TEX2: variants seen among roughly 807,000 people sequenced by gnomAD.
The protein encoded by TEX2 is testis-expressed protein 2.
TEX2 carries 53 observed loss-of-function variants against 106.9 expected under a neutral mutation model. The observed-to-expected ratio is 0.50, with a 90% CI of 0.40 to 0.62. The LOEUF (loss-of-function observed/expected upper bound fraction) is 0.62, where lower values mean the gene tolerates loss of function less well. Ranked by LOEUF, TEX2 falls within the 20% of genes least tolerant of loss-of-function variation. TEX2 has a pLI of 0.00. For missense variants in TEX2, 1,207 were observed against 1,379.0 expected (o/e 0.88, Z 1.98); for synonymous variants, 523 against 534.8 (o/e 0.98, Z 0.30).
intron 1 of TEX2, among the ~76,000 whole-genome samples, chr17:64,223,148 C>T (rs1308407625): frequency 6.6e-6 from 1 of 152,142 alleles, no homozygotes; most frequent in African/African-American, 2.4e-5. Context: ...GCCAACTGCG[C>T]TCTGTGTCAG....
At chr17:64,258,698 A>C (rs560123698) in intron 1 of TEX2, among the ~76,000 whole-genome samples, 14 of 152,246 alleles carry the variant, frequency 9.2e-5, no homozygotes, top group African/African-American at 3.4e-4. Flanking sequence ...AACTCATATA[A>C]TCTATGAGAC....
intron 2 of TEX2, among the ~76,000 whole-genome samples, chr17:64,208,279 C>T (rs2143022309): frequency 6.6e-6 from 1 of 152,272 alleles, no homozygotes; most frequent in East Asian, 1.9e-4. Flanking sequence ...CACTCTATTG[C>T]CCAGGCTGGA....
At chr17:64,216,670 C>T (rs886846012) in intron 1 of TEX2, among the ~76,000 whole-genome samples, 1 of 152,206 alleles carries the variant, frequency 6.6e-6, no homozygotes, top group Non-Finnish European at 1.5e-5. Flanking sequence ...GTTCAGAAGC[C>T]TGCGGTCTCA....
chr17:64,173,698 A>G (rs1169546219), intron 6 of TEX2, among the ~76,000 whole-genome samples: 1 of 152,202 alleles, frequency 6.6e-6, no homozygotes, highest in African/African-American at 2.4e-5. Context: ...ATAAAATGCT[A>G]CTTGGCTAAG....
intron 1 of TEX2, among the ~76,000 whole-genome samples, chr17:64,238,505 A>G (rs1555635378): frequency 6.6e-6 from 1 of 152,264 alleles, no homozygotes; most frequent in African/African-American, 2.4e-5. Flanking sequence ...TTGGTAATTT[A>G]TAAAGAAAAG....
chr17:64,235,191 T>C (rs113060652), intron 1 of TEX2, among the ~76,000 whole-genome samples: 20 of 152,356 alleles, frequency 1.3e-4, no homozygotes, highest in Admixed American at 2.6e-4. Context: ...GGTACTATCA[T>C]CATTTCCACA....
chr17:64,249,033 T>C (rs1490142810), intron 1 of TEX2, among the ~76,000 whole-genome samples: 1 of 145,900 alleles, frequency 6.9e-6, no homozygotes, highest in Non-Finnish European at 1.5e-5. Context: ...AGACTTTGTC[T>C]CAAAGAAAAA....
chr17:64,211,040 C>A (rs1233842201), intron 2 of TEX2, among the ~76,000 whole-genome samples: 1 of 152,126 alleles, frequency 6.6e-6, no homozygotes, highest in Non-Finnish European at 1.5e-5. Context: ...CAGCTCACTG[C>A]AGCCTCAGCC....
rs944365163 is a variant in TEX2, at chr17:64,153,214, A to G, written c.2931-60T>C. 8.3e-7 allele frequency: 1 copy of G among 1,203,528 alleles called. No individual in the cohort carries two copies. The highest frequency in any genetic ancestry group is 2.0e-5 in the Admixed American group (1 of 51,100). The allele number at this position is 1,203,528 out of a possible 1,614,324, so 74.6% of individuals were successfully genotyped here. A position where few individuals can be genotyped will look rare whatever the true frequency, so the allele number is the denominator to read the frequency against. On this transcript the variant is annotated intron_variant, in intron 9 of 11. Coordinates refer to ENST00000584379, the MANE Select transcript of TEX2 (RefSeq NM_001288732.2). This position sits in a 1 kb window ranked among gnomAD's most constrained non-coding sequence, Gnocchi z 4.1. The stretch of plus-strand genomic sequence containing the variant: ...AACTTTGCTCTTTTCACAGACAAAA[A>G]CCTGTGGCTCTTCGTTCCCCTTACT...
At chr17:64,232,856 G>A (rs573810560) in intron 1 of TEX2, among the ~76,000 whole-genome samples, 1 of 152,310 alleles carries the variant, frequency 6.6e-6, no homozygotes, top group East Asian at 1.9e-4. Context: ...AATGGTCCCT[G>A]GTTCCCATGG....
chr17:64,245,907 C>T (rs1041179592), intron 1 of TEX2, among the ~76,000 whole-genome samples: 1 of 152,228 alleles, frequency 6.6e-6, no homozygotes, highest in Non-Finnish European at 1.5e-5. Context: ...AGATGAAATT[C>T]CACAGTAGGT....
At chr17:64,211,966 G>GT (rs2033014882) in intron 2 of TEX2, among the ~76,000 whole-genome samples, 1 of 152,234 alleles carries the variant, frequency 6.6e-6, no homozygotes. Context: ...AGGCAACATA[G>GT]TGAGACTCCG....
intron 4 of TEX2, among the ~76,000 whole-genome samples, chr17:64,189,126 G>A (rs183874039): frequency 2.0e-5 from 3 of 151,884 alleles, no homozygotes; most frequent in East Asian, 1.9e-4. Flanking sequence ...TCTTTCATTC[G>A]ACAAATTATG....
intron 2 of TEX2, among the ~76,000 whole-genome samples, chr17:64,210,207 G>T (rs1381730451): frequency 6.6e-6 from 1 of 152,150 alleles, no homozygotes; most frequent in African/African-American, 2.4e-5. Flanking sequence ...GCAACCACGC[G>T]TGAGTCATTT....
rs781859721 is a variant in TEX2 at position 64,239,904 on chromosome 17, A to AAAAAAG, written c.-26+23263_-26+23264insCTTTTT. Among the ~76,000 whole-genome samples the AAAAAAG allele has an allele frequency of 4.5e-4, 53 of 118,842 alleles. 6 individuals carry two copies. The highest frequency in any genetic ancestry group is 1.3e-3 in the African/African-American group (41 of 31,224). 78.0% of individuals were successfully genotyped at this position (118,842 alleles called of 152,430 possible). On this transcript the variant is annotated intron_variant, in intron 1 of 11. Transcript: ENST00000584379. ...AAAAAAAAAAAAAAAAAAAAAAAAA[A>AAAAAAG]GCAGAGAAGATAAGAGAAGAGAAAT...
At chr17:64,152,839 G>C in intron 10 of TEX2, 106 bp downstream of exon 10, 1 of 1,151,210 alleles carries the variant, frequency 8.7e-7, no homozygotes, top group East Asian at 2.4e-5. Context: ...AAGTGCTTCT[G>C]CCCGGGAGAA....
chr17:64,246,410 T>TCTACTAAAA (rs2033989242), intron 1 of TEX2, among the ~76,000 whole-genome samples: 1 of 152,120 alleles, frequency 6.6e-6, no homozygotes, highest in Admixed American at 6.5e-5. Flanking sequence ...CACAGCTGGC[T>TCTACTAAAA]AATTTTTGCA....
chr17:64,191,235 A>G (rs1033061952), intron 4 of TEX2, among the ~76,000 whole-genome samples: 2 of 152,166 alleles, frequency 1.3e-5, no homozygotes, highest in Non-Finnish European at 1.5e-5. Flanking sequence ...GACTCTTACC[A>G]TTATGTTTGT....
intron 4 of TEX2, among the ~76,000 whole-genome samples, chr17:64,190,673 A>G (rs924509882): frequency 6.6e-6 from 1 of 152,176 alleles, no homozygotes; most frequent in Non-Finnish European, 1.5e-5. Context: ...AATTCTGCCA[A>G]ATGACCATGT....
Sources: allele counts gnomAD v4.1 joint callset (sites outside exome capture counted in the v4.1 genomes callset), GRCh38; gene constraint gnomAD v4.1.1; non-coding constraint Gnocchi (gnomAD v3.1); transcripts MANE v1.5; gene names NCBI Gene and HGNC (gene_info 2026-07-23, HGNC 2026-07-21).